TMPRSS11F: variants seen among roughly 807,000 people sequenced by gnomAD.
The protein encoded by TMPRSS11F is transmembrane serine protease 11F.
A neutral mutation model predicts 60.2 loss-of-function variants in TMPRSS11F; 47 were observed. That is an observed-to-expected ratio of 0.78 (90% CI 0.62 to 1.00). The LOEUF (loss-of-function observed/expected upper bound fraction) is 1.00, where lower values mean the gene tolerates loss of function less well. Ranked by LOEUF, TMPRSS11F falls within the 50% of genes least tolerant of loss-of-function variation. TMPRSS11F has a pLI of 0.00. For missense variants in TMPRSS11F, 519 were observed against 522.9 expected (o/e 0.99, Z 0.07); for synonymous variants, 166 against 167.3 (o/e 0.99, Z 0.06).
In TMPRSS11F at chr4:68,092,447, C is replaced by A. The variant is rs188304715; in HGVS notation, c.164-1806G>T. 9.5e-3 allele frequency among the ~76,000 whole-genome samples: 1,450 copies of A among 152,168 alleles called. 13 individuals are homozygous for A. Among genetic ancestry groups the A allele is most frequent in the Non-Finnish European group, 0.016 (1,094 of 67,974 alleles). On this transcript the variant is annotated intron_variant, in intron 2 of 9. Coordinates refer to ENST00000356291, the MANE Select transcript of TMPRSS11F (RefSeq NM_207407.2). ...ATTATCTTACTTCTTTAAAAAAATA[C>A]ATTTTGTTCATTCAAAATGAGATGT...
At chr4:68,118,956 G>T (rs1177342849) in intron 1 of TMPRSS11F, among the ~76,000 whole-genome samples, 1 of 152,088 alleles carries the variant, frequency 6.6e-6, no homozygotes, top group Admixed American at 6.6e-5. Context: ...CATGTTGAAA[G>T]GTAAGACAGG....
chr4:68,090,774 A>G, intron 2 of TMPRSS11F, 133 bp from the exon 3 acceptor site: 2 of 1,411,696 alleles, frequency 1.4e-6, no homozygotes, highest in Non-Finnish European at 1.9e-6. Flanking sequence ...ATTCTTGAAG[A>G]CACTTCTCAA....
intron 3 of TMPRSS11F, among the ~76,000 whole-genome samples, chr4:68,089,707 T>C (rs532420761): frequency 2.8e-4 from 43 of 152,098 alleles, no homozygotes; most frequent in Non-Finnish European, 6.0e-4. Context: ...TTTTCTCACA[T>C]TGTGAATAAT....
intron 1 of TMPRSS11F, among the ~76,000 whole-genome samples, chr4:68,117,349 C>A (rs1724545525): frequency 6.6e-6 from 1 of 151,358 alleles, no homozygotes; most frequent in Admixed American, 6.6e-5. Flanking sequence ...TGCCTGTAGT[C>A]CCAGCTGCTC....
chr4:68,117,467 CAAAAAAAAAAA>C (rs55708045), intron 1 of TMPRSS11F, among the ~76,000 whole-genome samples: 3 of 51,392 alleles, frequency 5.8e-5, no homozygotes, highest in African/African-American at 3.2e-4. Context: ...GACTCTGTCT[CAAAAAAAAAAA>C]AAAAAAAAAA....
intron 8 of TMPRSS11F, chr4:68,063,356 CTCT>C (rs1313659567): frequency 6.9e-6 from 3 of 436,582 alleles, no homozygotes; most frequent in Non-Finnish European, 1.3e-5. Context: ...ATCTTTTTCT[CTCT>C]TTTTTTTTGT....
chr4:68,060,863 A>C (rs900943787), intron 8 of TMPRSS11F, among the ~76,000 whole-genome samples: 5 of 151,832 alleles, frequency 3.3e-5, no homozygotes, highest in African/African-American at 1.2e-4. Context: ...AGTATATCCA[A>C]GCTGAAGTAA....
At chr4:68,114,618 G>A (rs564079449) in intron 1 of TMPRSS11F, among the ~76,000 whole-genome samples, 15 of 151,678 alleles carry the variant, frequency 9.9e-5, no homozygotes, top group Middle Eastern at 3.4e-3. Context: ...AGAAAAAAAG[G>A]AAATGCTTCC....
chr4:68,098,894 A>C lies in TMPRSS11F; in HGVS notation c.156T>G (p.Val52=). 1 of 1,610,452 alleles carries C rather than the reference A, an allele frequency of 6.2e-7. No homozygotes were observed. The highest frequency in any genetic ancestry group is 1.3e-5 in the African/African-American group (1 of 74,886). The change falls in exon 2 of 10, where the codon GTT becomes GTG. Residue 52 remains valine (V), a synonymous_variant. Coordinates refer to ENST00000356291, the MANE Select transcript of TMPRSS11F (RefSeq NM_207407.2). ...TGTGACCTGGATACTTACCCTCAAC[A>C]ACAAAATGAGTAACAATACCAATTG... ...GIAIGIVTHF[V]VEDDKSFYYL...
At chr4:68,090,069 G>A (rs1723892001) in intron 3 of TMPRSS11F, among the ~76,000 whole-genome samples, 1 of 151,894 alleles carries the variant, frequency 6.6e-6, no homozygotes, top group Non-Finnish European at 1.5e-5. Context: ...TATTTAAAAA[G>A]CAAAATATGT....
intron 7 of TMPRSS11F, among the ~76,000 whole-genome samples, chr4:68,065,769 A>AT (rs1286135212): frequency 6.7e-5 from 10 of 149,170 alleles, no homozygotes; most frequent in South Asian, 2.1e-4. Flanking sequence ...AAATGTAATA[A>AT]AAAAAAAAAA....
In TMPRSS11F at chr4:68,129,809, C is replaced by A; in HGVS notation, c.11+1G>T. ...TTTACTGAGAAAAGCTGAATACTTA[C>A]GCGTACATCATGAACCCAGGACTGG... On this transcript the variant is annotated splice_donor_variant, in intron 1 of 9. Transcript: ENST00000356291. LOFTEE classifies it high-confidence loss of function. The A allele has an allele frequency of 1.9e-6, 3 of 1,613,176 alleles. No homozygotes were observed. Among genetic ancestry groups the A allele is most frequent in the South Asian group, 2.2e-5 (2 of 90,976 alleles).
chr4:68,078,383 G>A (rs144304968), intron 3 of TMPRSS11F, among the ~76,000 whole-genome samples: 9 of 152,228 alleles, frequency 5.9e-5, no homozygotes, highest in Non-Finnish European at 1.0e-4. Context: ...CCTCAAAGTT[G>A]AACACTCCTT....
intron 1 of TMPRSS11F, among the ~76,000 whole-genome samples, chr4:68,120,449 C>T (rs12507767): frequency 0.22 from 31,430 of 144,462 alleles, 3,804 homozygotes; most frequent in Admixed American, 0.37. Flanking sequence ...AGTGCAGTGG[C>T]GGGATCTCGG....
chr4:68,063,726 G>A (rs890201785), intron 8 of TMPRSS11F, among the ~76,000 whole-genome samples: 2 of 151,940 alleles, frequency 1.3e-5, no homozygotes, highest in African/African-American at 4.8e-5. Flanking sequence ...GAAATCTTAA[G>A]TTCTGGTGTT....
chr4:68,098,773 G>T, intron 2 of TMPRSS11F, 114 bp downstream of exon 2: 1 of 978,770 alleles, frequency 1.0e-6, no homozygotes, highest in Non-Finnish European at 1.5e-6. Flanking sequence ...ATCAGTAAAA[G>T]ACTGGTAATT....
chr4:68,055,935 C>G lies in TMPRSS11F; in HGVS notation c.1159-1868G>C, dbSNP rs111558029. Reference sequence around the variant, plus strand: ...AGTGTGATTCATTACATTAACAAAACGAAGGCTAAAAACTATGATCCATTC... The same window carrying G: ...AGTGTGATTCATTACATTAACAAAAGGAAGGCTAAAAACTATGATCCATTC... On this transcript the variant is annotated intron_variant, in intron 9 of 9. Coordinates refer to ENST00000356291, the MANE Select transcript of TMPRSS11F (RefSeq NM_207407.2). 3.4e-3 allele frequency among the ~76,000 whole-genome samples: 518 copies of G among 152,138 alleles called. 6 individuals carry two copies. The highest frequency in any genetic ancestry group is 0.012 in the African/African-American group (503 of 41,522).
chr4:68,107,069 A>G (rs1724317501), intron 1 of TMPRSS11F, among the ~76,000 whole-genome samples: 1 of 152,220 alleles, frequency 6.6e-6, no homozygotes, highest in South Asian at 2.1e-4. Flanking sequence ...TACAAATACA[A>G]GCAGCATTTC....
In TMPRSS11F at chr4:68,104,538, G is replaced by A. The variant is rs80312965; in HGVS notation, c.12-5500C>T. ...TTCTCCCTGCCATTGCCATGCGAAG[G>A]ACATGCTTGCTTCACCTTCTGCCAT... On this transcript the variant is annotated intron_variant, in intron 1 of 9. Transcript: ENST00000356291. Among the ~76,000 whole-genome samples the A allele has an allele frequency of 9.1e-3, 1,378 of 152,224 alleles. 26 individuals are homozygous for A. The highest frequency in any genetic ancestry group is 0.032 in the African/African-American group (1,310 of 41,532).
Sources: allele counts gnomAD v4.1 joint callset (sites outside exome capture counted in the v4.1 genomes callset), GRCh38; gene constraint gnomAD v4.1.1; transcripts MANE v1.5; gene names NCBI Gene and HGNC (gene_info 2026-07-23, HGNC 2026-07-21).